Variants in ZNRF2 observed in about 807,000 individuals in gnomAD.
ZNRF2 encodes the protein E3 ubiquitin-protein ligase ZNRF2.
ZNRF2 carries 16 observed loss-of-function variants against 20.4 expected under a neutral mutation model. The ratio of observed to expected loss-of-function variants is 0.79; its 90% CI spans 0.53 to 1.19. The LOEUF (loss-of-function observed/expected upper bound fraction) is 1.19. Among genes scored for constraint, ZNRF2 ranks in the 50% most tolerant of loss-of-function variants. The pLI, the probability that ZNRF2 is intolerant of heterozygous loss-of-function variation, is 0.00. For synonymous variants in ZNRF2, 178 were observed against 144.9 expected, an observed-to-expected ratio of 1.23 and a Z score of -1.64; for missense variants, 363 against 332.4, an observed-to-expected ratio of 1.09 and a Z score of -0.72.
rs78007797 is a variant in ZNRF2 at position 30,307,326 on chromosome 7, G to GTTTTTTTTTTTTTT, written c.470-16305_470-16292dup. On this transcript the variant is annotated intron_variant, in intron 1 of 4. Transcript: ENST00000323037. ...TGTCTTCTTTCTGCTGTTTTTTTTTGTTTTTTTTTTTTTTTTTTTTTTTTG... is the reference window on the plus strand; with the variant it reads ...TGTCTTCTTTCTGCTGTTTTTTTTTGTTTTTTTTTTTTTTTTTTTTTTTTTTTTTTTTTTTTTTG... Among the ~76,000 whole-genome samples the GTTTTTTTTTTTTTT allele has an allele frequency of 7.6e-4, 33 of 43,242 alleles. 2 individuals carry two copies. The highest frequency in any genetic ancestry group is 1.0e-3 in the Non-Finnish European group (22 of 20,984). 28.4% of individuals were successfully genotyped at this position (43,242 alleles called of 152,430 possible). A position where few individuals can be genotyped will look rare whatever the true frequency, so the allele number is the denominator to read the frequency against.
intron 1 of ZNRF2, among the ~76,000 whole-genome samples, chr7:30,293,464 G>T (rs556807286): frequency 6.1e-4 from 93 of 152,272 alleles, no homozygotes; most frequent in African/African-American, 2.1e-3. Context: ...GGCCAGGCTA[G>T]TCTTGAGCTC....
chr7:30,326,447 T>C (rs1394395704), intron 2 of ZNRF2, among the ~76,000 whole-genome samples: 1 of 152,222 alleles, frequency 6.6e-6, no homozygotes. Context: ...TCCATCCATG[T>C]TTCCACAGAG....
chr7:30,286,854 G>C (rs775371042), intron 1 of ZNRF2, among the ~76,000 whole-genome samples: 2 of 152,144 alleles, frequency 1.3e-5, no homozygotes, highest in South Asian at 2.1e-4. Flanking sequence ...GCGAAAACAC[G>C]ATCCCCTACA....
At chr7:30,294,219 A>G (rs1334089437) in intron 1 of ZNRF2, among the ~76,000 whole-genome samples, 5 of 151,620 alleles carry the variant, frequency 3.3e-5, no homozygotes, top group Non-Finnish European at 7.4e-5. Flanking sequence ...AGCTTCTTTT[A>G]TTTTTTATTT....
At chr7:30,350,804 A>G (rs1306104212) in intron 2 of ZNRF2, among the ~76,000 whole-genome samples, 1 of 151,958 alleles carries the variant, frequency 6.6e-6, no homozygotes, top group African/African-American at 2.4e-5. Flanking sequence ...TACTGCTATC[A>G]TTGAGGGTTC....
chr7:30,340,879 T>C (rs1290112868), intron 2 of ZNRF2, among the ~76,000 whole-genome samples: 1 of 152,170 alleles, frequency 6.6e-6, no homozygotes, highest in Non-Finnish European at 1.5e-5. Flanking sequence ...CCTGGGCTTT[T>C]TTTGGTTGAT....
At chr7:30,361,266 G>A (rs958370478) in intron 3 of ZNRF2, among the ~76,000 whole-genome samples, 5 of 152,164 alleles carry the variant, frequency 3.3e-5, no homozygotes, top group African/African-American at 1.2e-4. Context: ...AGCCAAACTG[G>A]CTATATATTT....
At chr7:30,306,196 C>T (rs1207049188) in intron 1 of ZNRF2, among the ~76,000 whole-genome samples, 3 of 152,174 alleles carry the variant, frequency 2.0e-5, no homozygotes, top group African/African-American at 4.8e-5. Flanking sequence ...ATAAATTCTC[C>T]TATCTGCAAG....
chr7:30,324,497 C>T (rs1233571415), intron 2 of ZNRF2, among the ~76,000 whole-genome samples: 1 of 149,754 alleles, frequency 6.7e-6, no homozygotes, highest in Non-Finnish European at 1.5e-5. Flanking sequence ...TGTAGTGAGC[C>T]GAGATTGTGC....
chr7:30,340,321 G>C (rs932419622), intron 2 of ZNRF2, among the ~76,000 whole-genome samples: 1 of 152,162 alleles, frequency 6.6e-6, no homozygotes, highest in Middle Eastern at 3.2e-3. Context: ...TCCTTGTCTT[G>C]TGCCGGTTTT....
chr7:30,288,957 A>G (rs1798847038), intron 1 of ZNRF2: 1 of 152,156 alleles, frequency 6.6e-6, no homozygotes, highest in Non-Finnish European at 1.5e-5. Flanking sequence ...GCATAATATG[A>G]GTGGTCAAAT....
intron 2 of ZNRF2, among the ~76,000 whole-genome samples, chr7:30,324,106 T>C (rs1014127607): frequency 6.6e-6 from 1 of 152,144 alleles, no homozygotes; most frequent in Non-Finnish European, 1.5e-5. Flanking sequence ...TTTCAGGATT[T>C]TTACAAACTC....
intron 2 of ZNRF2, among the ~76,000 whole-genome samples, chr7:30,328,387 A>T (rs1448311202): frequency 6.6e-6 from 1 of 152,206 alleles, no homozygotes; most frequent in African/African-American, 2.4e-5. Context: ...CTCAAACAAG[A>T]ACATTTTTTT....
intron 1 of ZNRF2, among the ~76,000 whole-genome samples, chr7:30,295,376 T>A (rs1799002204): frequency 6.6e-6 from 1 of 152,152 alleles, no homozygotes; most frequent in Non-Finnish European, 1.5e-5. Context: ...GGGCTGACCT[T>A]AAGCAAGTTG....
rs748249043 is a variant in ZNRF2 at position 30,367,346 on chromosome 7, T to C, written c.*1334T>C. The C allele has an allele frequency of 3.9e-5, 6 of 152,396 alleles. No individual in the cohort carries two copies. Among genetic ancestry groups the C allele is most frequent in the Non-Finnish European group, 8.8e-5 (6 of 67,852 alleles). The allele number at this position is 152,396 out of a possible 1,614,324, so 9.4% of individuals were successfully genotyped here. A position where few individuals can be genotyped will look rare whatever the true frequency, so the allele number is the denominator to read the frequency against. ...ACTGGAAGAGTTGTCAGGGCTACAATAGTGAATGTCCTTTTTTTTAATATC... is the reference window on the plus strand; with the variant it reads ...ACTGGAAGAGTTGTCAGGGCTACAACAGTGAATGTCCTTTTTTTTAATATC... On this transcript the variant is annotated 3_prime_UTR_variant, in exon 5 of 5. Coordinates refer to ENST00000323037, the MANE Select transcript of ZNRF2 (RefSeq NM_147128.4).
At chr7:30,291,340 T>A (rs539166147) in intron 1 of ZNRF2, among the ~76,000 whole-genome samples, 1 of 152,342 alleles carries the variant, frequency 6.6e-6, no homozygotes, top group South Asian at 2.1e-4. Flanking sequence ...TTGGGCACAA[T>A]TAACACTCGT....
intron 1 of ZNRF2, among the ~76,000 whole-genome samples, chr7:30,315,731 G>A (rs920602361): frequency 1.9e-5 from 2 of 104,674 alleles, no homozygotes; most frequent in Admixed American, 1.2e-4. Context: ...GTGGGGCGGG[G>A]GGGGGGGGGT....
At chr7:30,301,197 A>G (rs2128057715) in intron 1 of ZNRF2, among the ~76,000 whole-genome samples, 1 of 152,232 alleles carries the variant, frequency 6.6e-6, no homozygotes, top group East Asian at 1.9e-4. Flanking sequence ...AAAGCTAGGA[A>G]AGGGGCCAGG....
At chr7:30,365,147 C>CT (rs533354831) in intron 4 of ZNRF2, among the ~76,000 whole-genome samples, 2,412 of 69,620 alleles carry the variant, frequency 0.035, 34 homozygotes, top group Non-Finnish European at 0.046. Context: ...AGCTGATAAG[C>CT]TTTTTTTTTT....
Sources: gnomAD v4.1 joint callset for allele counts (sites outside exome capture counted in the v4.1 genomes callset) on GRCh38, gnomAD v4.1.1 for gene constraint, MANE v1.5 for transcripts, NCBI Gene and HGNC (gene_info 2026-07-23, HGNC 2026-07-21) for gene names.